Variants in SSC4D observed in about 807,000 individuals in gnomAD.
SSC4D encodes scavenger receptor cysteine rich family member with 4 domains.
SSC4D carries 57 observed loss-of-function variants against 63.4 expected under a neutral mutation model. The ratio of observed to expected loss-of-function variants is 0.90; its 90% CI spans 0.73 to 1.12. The LOEUF is 1.12. Ranked by LOEUF, SSC4D falls within the 50% of genes most tolerant of loss-of-function variation. SSC4D has a pLI of 0.00. For missense variants in SSC4D, 791 were observed against 806.4 expected (o/e 0.98, Z 0.23); for synonymous variants, 352 against 345.4 (o/e 1.02, Z -0.21).
chr7:76,403,046 T>C (rs1804880363), intron 2 of SSC4D, among the ~76,000 whole-genome samples: 1 of 152,192 alleles, frequency 6.6e-6, no homozygotes, highest in African/African-American at 2.4e-5. Context: ...ACAGGGCAAC[T>C]TCAGGGTTAG....
At chr7:76,405,312 TATATGTA>T (rs1804974780) in intron 1 of SSC4D, among the ~76,000 whole-genome samples, 2 of 69,114 alleles carry the variant, frequency 2.9e-5, no homozygotes, top group East Asian at 1.1e-3. Flanking sequence ...TATATATATA[TATATGTA>T]TTTTTTTCTT....
chr7:76,393,303 C>T (rs1804538721), intron 9 of SSC4D, 102 bp downstream of exon 9: 7 of 1,188,618 alleles, frequency 5.9e-6, no homozygotes, highest in Non-Finnish European at 7.4e-6. Context: ...GCTCCCCGGG[C>T]GGCAGTGCCG....
rs762059584 is a variant in SSC4D at position 76,404,330 on chromosome 7, G to C, written c.110C>G (p.Ser37Cys). The C allele has an allele frequency of 1.9e-6, 3 of 1,608,972 alleles. No individual in the cohort carries two copies. The highest frequency in any genetic ancestry group is 2.5e-6 in the Non-Finnish European group (3 of 1,177,234). ...ACCCAGTGGCAGGAGGAGAAGGAAA[G>C]ACAGGGCTTGGGGGAGGAAGGGAGG... ...AAPPFLPQALSFLLLLPLASA... is the reference protein window; with the variant it reads ...AAPPFLPQALCFLLLLPLASA... The change falls in exon 2 of 11, where the codon TCT becomes TGT. Residue 37 changes from serine (S) to cysteine (C), a missense_variant. Physicochemically the swap from Ser to Cys is moderately radical, Grantham distance 112 (BLOSUM62 -1). Transcript: ENST00000275560.
rs200373443 is a variant in SSC4D at position 76,390,381 on chromosome 7, G to T, written c.1412-6C>A. On this transcript the variant is annotated splice_polypyrimidine_tract_variant and splice_region_variant and intron_variant, in intron 10 of 10. Transcript: ENST00000275560. Reference sequence around the variant, plus strand: ...ATTGACCAGACGTAGATGCCCTGTGGGGGGACAGGGCTGGGTTGGAAGGGG... The same window carrying T: ...ATTGACCAGACGTAGATGCCCTGTGTGGGGACAGGGCTGGGTTGGAAGGGG... The T allele has an allele frequency of 4.4e-5, 69 of 1,570,672 alleles. No individual in the cohort carries two copies. Among genetic ancestry groups the T allele is most frequent in the Non-Finnish European group, 5.7e-5 (66 of 1,156,756 alleles).
chr7:76,396,649 C>T (rs1365033507), intron 6 of SSC4D, among the ~76,000 whole-genome samples: 1 of 152,226 alleles, frequency 6.6e-6, no homozygotes, highest in Non-Finnish European at 1.5e-5. Context: ...ACTGTGTGAC[C>T]ATGGGCAAGG....
At position 76,400,575 on chromosome 7, in the gene SSC4D, C is replaced by G; in HGVS notation, c.186G>C (p.Gly62=). ...GGCGGCCCCGGCAGCGGCTGGGGCC[C>G]CCCACCAGCCTCAGCTCTGTGAAGA... ...PLPFQELRLV[G]GPSRCRGRLE... is the part of the protein sequence containing the mutation. The change falls in exon 4 of 11, where the codon GGG becomes GGC. Residue 62 remains glycine, a synonymous_variant. Transcript: ENST00000275560. 6.8e-7 allele frequency: 1 copy of G among 1,480,432 alleles called. No individual in the cohort carries two copies. The highest frequency in any genetic ancestry group is 9.0e-7 in the Non-Finnish European group (1 of 1,111,268). 91.7% of individuals were successfully genotyped at this position (1,480,432 alleles called of 1,614,324 possible).
chr7:76,408,177 A>G (rs112701902), intron 1 of SSC4D, among the ~76,000 whole-genome samples: 12,010 of 152,064 alleles, frequency 0.079, 661 homozygotes, highest in Middle Eastern at 0.17. Context: ...GCTCCCCACC[A>G]TCCCTCCAAC....
chr7:76,405,986 T>TTCTTC (rs1805015106), intron 1 of SSC4D, among the ~76,000 whole-genome samples: 1 of 143,700 alleles, frequency 7.0e-6, no homozygotes, highest in Non-Finnish European at 1.5e-5. Flanking sequence ...TTCCTTTCTT[T>TTCTTC]TCTTTTCTTT....
Position 76,397,828 on chromosome 7 carries a change from C to T in SSC4D, c.558G>A (p.Glu186=), listed in dbSNP as rs1804691770. ...PPTTLPNGKS[E]GSVRLVGGAN... Reference sequence around the variant, plus strand: ...CGCCCCCTACCAGGCGTACGCTGCCCTCACCTGGGGATGGGGGCGGGGGTC... The same window carrying T: ...CGCCCCCTACCAGGCGTACGCTGCCTTCACCTGGGGATGGGGGCGGGGGTC... The change falls in exon 6 of 11, where the codon GAG becomes GAA. Residue 186 remains glutamate (E), a synonymous_variant. Transcript: ENST00000275560. The T allele has an allele frequency of 1.3e-6, 2 of 1,570,438 alleles. No homozygotes were observed. Among genetic ancestry groups the T allele is most frequent in the Non-Finnish European group, 1.7e-6 (2 of 1,155,334 alleles).
intron 9 of SSC4D, 156 bp downstream of exon 9, chr7:76,393,249 G>C (rs1804534032): frequency 5.5e-6 from 4 of 733,766 alleles, no homozygotes; most frequent in Non-Finnish European, 7.3e-6. Flanking sequence ...CGCAGCCGCA[G>C]AGCGGGCGCA....
In SSC4D at chr7:76,390,129, G is replaced by GAGCAGAGA. The variant is rs766436116; in HGVS notation, c.1657_1658insTCTCTGCT (p.Ser553PhefsTer41). 5.0e-6 allele frequency: 8 copies of GAGCAGAGA among 1,614,116 alleles called. No homozygotes were observed. The East Asian group carries it at 1.8e-4, about 36-fold the overall frequency. ...GTTGTGGGCATCCCAGCGGATATGA[G>GAGCAGAGA]AGCAGAGCAGCAGAGCACTTTCTTC... On this transcript the variant is annotated frameshift_variant, in exon 11 of 11. Transcript: ENST00000275560. LOFTEE classifies it high-confidence loss of function.
At chr7:76,397,382 T>G in intron 6 of SSC4D, 136 bp downstream of exon 6, 1 of 1,116,142 alleles carries the variant, frequency 9.0e-7, no homozygotes, top group Non-Finnish European at 1.2e-6. Flanking sequence ...GGATGCTGCC[T>G]GGAGAGCTCT....
intron 9 of SSC4D, 45 bp downstream of exon 9, chr7:76,393,360 A>G: frequency 4.6e-6 from 6 of 1,309,492 alleles, no homozygotes; most frequent in Non-Finnish European, 5.8e-6. Context: ...CCCACGCCGC[A>G]GTGCGCGGCC....
intron 2 of SSC4D, among the ~76,000 whole-genome samples, chr7:76,401,647 C>T (rs375450385): frequency 1.3e-5 from 2 of 152,160 alleles, no homozygotes; most frequent in Admixed American, 6.6e-5. Flanking sequence ...GAACTCCTGA[C>T]CTCAGGTAAT....
chr7:76,390,695 T>C (rs1326132048), intron 10 of SSC4D, among the ~76,000 whole-genome samples: 5 of 152,138 alleles, frequency 3.3e-5, no homozygotes, highest in Non-Finnish European at 7.4e-5. Context: ...CGGGTGCCTG[T>C]GGTCCCAGCT....
At chr7:76,399,876 T>G (rs1396158579) in intron 4 of SSC4D, among the ~76,000 whole-genome samples, 1 of 152,120 alleles carries the variant, frequency 6.6e-6, no homozygotes, top group Non-Finnish European at 1.5e-5. Context: ...GACTTGGACC[T>G]GTAGTTCCAG....
Position 76,404,499 on chromosome 7 carries a change from G to C in SSC4D, c.-60C>G. ...AAGGCGCCAGGGAGAAGTCACAGTT[G>C]GAACATCTGAAATTAAAGATCCCAA... On this transcript the variant is annotated 5_prime_UTR_variant, in exon 2 of 11. Coordinates refer to ENST00000275560, the MANE Select transcript of SSC4D (RefSeq NM_080744.2). 6.2e-7 allele frequency: 1 copy of C among 1,612,258 alleles called. No homozygotes were observed. Among genetic ancestry groups the C allele is most frequent in the Non-Finnish European group, 8.5e-7 (1 of 1,179,628 alleles).
intron 6 of SSC4D, among the ~76,000 whole-genome samples, chr7:76,397,019 T>C (rs763346395): frequency 5.3e-5 from 8 of 152,190 alleles, no homozygotes; most frequent in South Asian, 2.1e-4. Flanking sequence ...GCTGGAACAT[T>C]CTGGAGGCAT....
chr7:76,392,663 CCCCTTGTGGT>C (rs1180805434), intron 9 of SSC4D, among the ~76,000 whole-genome samples: 9 of 152,002 alleles, frequency 5.9e-5, no homozygotes, highest in African/African-American at 1.7e-4. Flanking sequence ...CGGTGGCATG[CCCCTTGTGGT>C]CCCAGCTACT....
Sources: gnomAD v4.1 joint callset for allele counts (sites outside exome capture counted in the v4.1 genomes callset) on GRCh38, gnomAD v4.1.1 for gene constraint, MANE v1.5 for transcripts, NCBI Gene and HGNC (gene_info 2026-07-23, HGNC 2026-07-21) for gene names.